THSD7B: variants seen among roughly 807,000 people sequenced by gnomAD.
THSD7B encodes thrombospondin type-1 domain-containing protein 7B.
THSD7B carries 138 observed loss-of-function variants against 213.6 expected under a neutral mutation model. That is an observed-to-expected ratio of 0.65 (90% confidence interval 0.56 to 0.74). The LOEUF (loss-of-function observed/expected upper bound fraction) is 0.74, where lower values mean the gene tolerates loss of function less well. Among genes scored for constraint, THSD7B ranks in the 30% least tolerant of loss-of-function variants. The pLI is 0.00. For synonymous variants in THSD7B, 742 were observed against 687.0 expected (o/e 1.08, Z -1.25); for missense variants, 1,931 against 1,991.5 (o/e 0.97, Z 0.58).
intron 2 of THSD7B, among the ~76,000 whole-genome samples, chr2:136,998,290 AAAAG>A (rs1685933468): frequency 6.6e-6 from 1 of 152,032 alleles, no homozygotes; most frequent in Non-Finnish European, 1.5e-5. Flanking sequence ...AAGAAAGAAA[AAAAG>A]AAAAGACAAG....
At chr2:136,959,890 T>G (rs476299) in intron 2 of THSD7B, among the ~76,000 whole-genome samples, 61,965 of 151,978 alleles carry the variant, frequency 0.41, 14,823 homozygotes, top group Non-Finnish European at 0.55. Context: ...AGAGATTAAG[T>G]TGAGGAAAAG....
At chr2:137,488,902 G>A (rs1172525767) in intron 15 of THSD7B, among the ~76,000 whole-genome samples, 1 of 152,116 alleles carries the variant, frequency 6.6e-6, no homozygotes, top group Non-Finnish European at 1.5e-5. Context: ...TCTATAAGTA[G>A]CATGAAGTCT....
chr2:136,802,764 A>G (rs950245512), intron 1 of THSD7B, among the ~76,000 whole-genome samples: 1 of 148,908 alleles, frequency 6.7e-6, no homozygotes, highest in Non-Finnish European at 1.5e-5. Context: ...TAAGCAACCC[A>G]TTAAATATTT....
chr2:137,232,966 G>T lies in THSD7B; in HGVS notation c.1983G>T (p.Met661Ile), dbSNP rs759589030. 18 of 1,613,860 alleles carry T rather than the reference G, an allele frequency of 1.1e-5. No individual in the cohort carries two copies. Among genetic ancestry groups the T allele is most frequent in the Non-Finnish European group, 1.5e-5 (18 of 1,179,850 alleles). ...GTTTGTGTAATGACCATTCCTGTATGCAGCTTCACTGGGAGACATCGCCTT... is the reference window on the plus strand; with the variant it reads ...GTTTGTGTAATGACCATTCCTGTATTCAGCTTCACTGGGAGACATCGCCTT... ...EHRLCNDHSCMQLHWETSPWG... is the reference protein window; with the variant it reads ...EHRLCNDHSCIQLHWETSPWG... The change falls in exon 9 of 28, where the codon ATG (methionine) becomes ATT (isoleucine). Residue 661 changes from methionine (M) to isoleucine (I), a missense_variant. Coordinates refer to ENST00000409968, the MANE Select transcript of THSD7B (RefSeq NM_001316349.2).
chr2:137,098,519 G>C (rs528907424), intron 4 of THSD7B, among the ~76,000 whole-genome samples: 3 of 152,250 alleles, frequency 2.0e-5, no homozygotes, highest in Non-Finnish European at 2.9e-5. Context: ...GGAATGCTGT[G>C]ATGAGGGGTC....
chr2:137,074,406 A>T (rs1470798844), intron 3 of THSD7B, among the ~76,000 whole-genome samples: 1 of 151,850 alleles, frequency 6.6e-6, no homozygotes, highest in East Asian at 1.9e-4. Flanking sequence ...TAGGATTGCA[A>T]CCCCTGCCTT....
chr2:137,442,314 C>T (rs1467645092), intron 14 of THSD7B, among the ~76,000 whole-genome samples: 1 of 152,148 alleles, frequency 6.6e-6, no homozygotes, highest in Non-Finnish European at 1.5e-5. Flanking sequence ...TCTCAGGACA[C>T]CATATTCGCA....
Position 136,977,759 on chromosome 2 carries a change from T to C in THSD7B, c.140-78661T>C, listed in dbSNP as rs117980767. On this transcript the variant is annotated intron_variant, in intron 2 of 27. Transcript: ENST00000409968. ...AGGAGTAGGTTTTTCAATTTCCATG[T>C]AGTTGTGTGGTTTTGAATGAGTTTC... Among the ~76,000 whole-genome samples, 250 of 151,872 alleles carry C rather than the reference T, an allele frequency of 1.6e-3. 4 individuals are homozygous for C. The East Asian group carries it at 0.045, about 27-fold the overall frequency.
At chr2:137,273,025 TACACACACACACACACACACAC>T (rs71877881) in intron 11 of THSD7B, among the ~76,000 whole-genome samples, 11 of 140,970 alleles carry the variant, frequency 7.8e-5, no homozygotes, top group African/African-American at 2.6e-4. Flanking sequence ...GGAGAAGGAA[TACACACACACACACACACACAC>T]ACACACACAC....
At chr2:137,013,604 A>G (rs1202588965) in intron 2 of THSD7B, among the ~76,000 whole-genome samples, 1 of 152,190 alleles carries the variant, frequency 6.6e-6, no homozygotes, top group Non-Finnish European at 1.5e-5. Context: ...TGTACTAGCT[A>G]TTCTACATAT....
intron 12 of THSD7B, among the ~76,000 whole-genome samples, chr2:137,326,799 G>A (rs909450513): frequency 2.0e-5 from 3 of 152,140 alleles, no homozygotes; most frequent in Admixed American, 1.3e-4. Context: ...TATAATGTGA[G>A]TCCTTACAAA....
chr2:137,456,944 T>C (rs1687774213), intron 15 of THSD7B, among the ~76,000 whole-genome samples: 1 of 152,226 alleles, frequency 6.6e-6, no homozygotes, highest in Non-Finnish European at 1.5e-5. Context: ...GTATCCTTTA[T>C]GCCGGTCAGC....
intron 2 of THSD7B, among the ~76,000 whole-genome samples, chr2:136,919,716 C>T (rs1684403472): frequency 6.6e-6 from 1 of 152,174 alleles, no homozygotes; most frequent in Non-Finnish European, 1.5e-5. Flanking sequence ...GCCCAGCAGG[C>T]TGCATATGGC....
chr2:136,864,529 TC>T (rs1683302071), intron 1 of THSD7B, among the ~76,000 whole-genome samples: 1 of 152,192 alleles, frequency 6.6e-6, no homozygotes. Flanking sequence ...ATATCATATT[TC>T]TTTTTTATCA....
At chr2:136,980,581 C>G (rs1400123238) in intron 2 of THSD7B, among the ~76,000 whole-genome samples, 1 of 152,126 alleles carries the variant, frequency 6.6e-6, no homozygotes, top group Non-Finnish European at 1.5e-5. Context: ...TTCAAACTAC[C>G]CAGTCTCCCT....
intron 1 of THSD7B, among the ~76,000 whole-genome samples, chr2:136,873,823 C>T (rs1053881899): frequency 1.3e-5 from 2 of 152,128 alleles, no homozygotes; most frequent in Middle Eastern, 3.2e-3. Flanking sequence ...TGACTGTCCT[C>T]CTCATTTTGT....
chr2:137,581,781 A>T (rs200838347), intron 17 of THSD7B, among the ~76,000 whole-genome samples: 3,567 of 145,938 alleles, frequency 0.024, 91 homozygotes, highest in East Asian at 0.079. Flanking sequence ...TAAAAAAAAA[A>T]AAAATAATAA....
chr2:137,584,535 T>C (rs982014357), intron 17 of THSD7B, among the ~76,000 whole-genome samples: 6 of 152,218 alleles, frequency 3.9e-5, no homozygotes, highest in African/African-American at 1.2e-4. Flanking sequence ...ATTGAGAGTT[T>C]TTAGCATGAA....
chr2:137,356,012 C>T (rs1356851975), intron 12 of THSD7B, among the ~76,000 whole-genome samples: 1 of 152,136 alleles, frequency 6.6e-6, no homozygotes, highest in Non-Finnish European at 1.5e-5. Context: ...AGATCTACTA[C>T]AGCTGTGGCT....
Sources: gnomAD v4.1 joint callset for allele counts (sites outside exome capture counted in the v4.1 genomes callset) on GRCh38, gnomAD v4.1.1 for gene constraint, MANE v1.5 for transcripts, NCBI Gene and HGNC (gene_info 2026-07-23, HGNC 2026-07-21) for gene names.